The following SLC35D1 variants were observed in gnomAD, a reference collection of about 807,000 sequenced individuals.
SLC35D1 encodes the protein solute carrier family 35 member D1.
A neutral mutation model predicts 46.7 loss-of-function variants in SLC35D1; 31 were observed. That is an observed-to-expected ratio of 0.66 (90% CI 0.50 to 0.90). The LOEUF (loss-of-function observed/expected upper bound fraction) is 0.90. SLC35D1 is among the 40% of genes least tolerant of loss of function. SLC35D1 has a pLI of 0.00. For missense variants in SLC35D1, 397 were observed against 426.2 expected, an observed-to-expected ratio of 0.93 and a Z score of 0.60; for synonymous variants, 195 against 164.6, an observed-to-expected ratio of 1.18 and a Z score of -1.41.
At chr1:67,053,148 C>G (rs1645328996) in intron 1 of SLC35D1, among the ~76,000 whole-genome samples, 159 bp from the exon 2 acceptor site, 1 of 152,208 alleles carries the variant, frequency 6.6e-6, no homozygotes, top group Admixed American at 6.5e-5. Flanking sequence ...AACTCTCTGC[C>G]TGTTGGTTGT....
chr1:67,005,361 C>G (rs1286524695), intron 11 of SLC35D1, among the ~76,000 whole-genome samples: 1 of 152,162 alleles, frequency 6.6e-6, no homozygotes, highest in East Asian at 1.9e-4. Flanking sequence ...TGACATCAGC[C>G]CCAGACCAGC....
At chr1:67,027,606 T>C (rs1027776934) in intron 8 of SLC35D1, among the ~76,000 whole-genome samples, 1 of 152,166 alleles carries the variant, frequency 6.6e-6, no homozygotes, top group Non-Finnish European at 1.5e-5. Flanking sequence ...AGATCACTCA[T>C]TTTAGATCTT....
chr1:66,973,807 T>A, the SLC35D1 span, among the ~76,000 whole-genome samples: 5 of 152,196 alleles, frequency 3.3e-5, no homozygotes, highest in South Asian at 1.0e-3. Context: ...TTATTTTTAG[T>A]TAGTAGAAAT....
At chr1:66,977,537 C>T in the SLC35D1 span, among the ~76,000 whole-genome samples, 40 of 152,286 alleles carry the variant, frequency 2.6e-4, no homozygotes, top group African/African-American at 9.1e-4. Context: ...GTCCCATTGA[C>T]ACAGATATGG....
At chr1:66,973,907 C>CT in the SLC35D1 span, among the ~76,000 whole-genome samples, 4 of 151,986 alleles carry the variant, frequency 2.6e-5, no homozygotes, top group African/African-American at 9.7e-5. Context: ...AGTACCTGGG[C>CT]TTATGTCTGA....
intron 1 of SLC35D1, among the ~76,000 whole-genome samples, chr1:67,053,248 T>C (rs1355536858): frequency 1.3e-5 from 2 of 151,562 alleles, no homozygotes; most frequent in Non-Finnish European, 2.9e-5. Context: ...AAAGGATTTC[T>C]CAAGGCAGTG....
chr1:67,019,639 C>T (rs564032381), intron 10 of SLC35D1, among the ~76,000 whole-genome samples: 13 of 152,210 alleles, frequency 8.5e-5, no homozygotes, highest in Non-Finnish European at 1.5e-4. Context: ...GGGTAATGGC[C>T]CTCTTTTCCC....
chr1:66,997,579 A>AAAGATG (rs1667255169), downstream of SLC35D1, among the ~76,000 whole-genome samples: 3 of 141,346 alleles, frequency 2.1e-5, no homozygotes, highest in African/African-American at 7.8e-5. Flanking sequence ...GTATATATAT[A>AAAGATG]CACACACAGA....
intron 8 of SLC35D1, among the ~76,000 whole-genome samples, chr1:67,036,275 G>C (rs183155291): frequency 2.0e-5 from 3 of 152,174 alleles, no homozygotes; most frequent in Admixed American, 2.0e-4. Context: ...GCTGAAACTG[G>C]GGTGTTGTAG....
At chr1:67,035,962 C>A (rs1668115484) in intron 8 of SLC35D1, among the ~76,000 whole-genome samples, 1 of 152,028 alleles carries the variant, frequency 6.6e-6, no homozygotes, top group South Asian at 2.1e-4. Flanking sequence ...ATTTGTCATT[C>A]AGGAACATAT....
At chr1:67,025,656 T>C (rs568757491) in intron 8 of SLC35D1, among the ~76,000 whole-genome samples, 1 of 152,366 alleles carries the variant, frequency 6.6e-6, no homozygotes, top group African/African-American at 2.4e-5. Context: ...ATGAATTTGC[T>C]AAGAACTGAC....
At position 67,052,871 on chromosome 1, in the gene SLC35D1, A is replaced by G; in HGVS notation, c.238-14T>C. 1 of 1,614,116 alleles carries G rather than the reference A, an allele frequency of 6.2e-7. No homozygotes were observed. The highest frequency in any genetic ancestry group is 1.1e-5 in the South Asian group (1 of 91,074). On this transcript the variant is annotated splice_polypyrimidine_tract_variant and intron_variant, in intron 2 of 11. Transcript: ENST00000235345. Reference sequence around the variant, plus strand: ...TGTGGCCACCATCTGTAAACAAGAGAACACAGATTCACTGTTCTACACATA... The same window carrying G: ...TGTGGCCACCATCTGTAAACAAGAGGACACAGATTCACTGTTCTACACATA...
rs765636822 is a variant in SLC35D1 at position 67,053,817 on chromosome 1, T to C, written c.197A>G (p.Asn66Ser). The C allele has an allele frequency of 6.2e-7, 1 of 1,606,246 alleles. No homozygotes were observed. The highest frequency in any genetic ancestry group is 2.3e-5 in the East Asian group (1 of 44,166). The part of the protein sequence containing the change: ...IVVVNKSVLT[N>S]YRFPSSLCVG... ...GCCGCCGCCTCGGCCCTACCTGTAA[T>C]TGGTGAGCACGCTCTTATTCACCAC... The change falls in exon 1 of 12, where the codon AAT (asparagine) becomes AGT (serine). Residue 66 changes from asparagine to serine, a missense_variant. By Grantham distance (46) the Asn-to-Ser change is conservative. Coordinates refer to ENST00000235345, the MANE Select transcript of SLC35D1 (RefSeq NM_015139.3).
downstream of SLC35D1, among the ~76,000 whole-genome samples, chr1:66,996,552 C>T (rs972354608): frequency 6.6e-6 from 1 of 152,174 alleles, no homozygotes; most frequent in African/African-American, 2.4e-5. Context: ...AGATGCCAGG[C>T]CTCTAGTAGA....
rs201982159 is a variant in SLC35D1 at position 67,053,960 on chromosome 1, C to T, written c.54G>A (p.Ala18=). ...QHARVKGEAP[A]KSSTLRDEEE... ...CCTCATCTCGGAGTGTGGAGGATTT[C>T]GCGGGGGCTTCTCCTTTAACCCGAG... Residue 18 remains alanine, a synonymous_variant, in exon 1 of 12, where the codon GCG becomes GCA. Transcript: ENST00000235345. The T allele has an allele frequency of 1.9e-6, 3 of 1,613,600 alleles. No homozygotes were observed. Among genetic ancestry groups the T allele is most frequent in the East Asian group, 4.5e-5 (2 of 44,852 alleles).
At chr1:66,981,972 C>T in the SLC35D1 span, 1 of 1,583,902 alleles carries the variant, frequency 6.3e-7, no homozygotes, top group East Asian at 2.2e-5. Flanking sequence ...CACTTTCTTG[C>T]AGTGACTTGG....
chr1:67,034,203 G>T (rs1197483473), intron 8 of SLC35D1, among the ~76,000 whole-genome samples: 1 of 152,094 alleles, frequency 6.6e-6, no homozygotes, highest in Non-Finnish European at 1.5e-5. Context: ...TAAATTTTAG[G>T]ATATTTTTTT....
At chr1:66,994,665 A>G (rs976333836), downstream of SLC35D1, among the ~76,000 whole-genome samples, 1 of 152,022 alleles carries the variant, frequency 6.6e-6, no homozygotes, top group African/African-American at 2.4e-5. Flanking sequence ...AAAAAGAAAA[A>G]AAATCCAAAG....
intron 1 of SLC35D1, among the ~76,000 whole-genome samples, 190 bp downstream of exon 1, chr1:67,053,621 C>T (rs1645335722): frequency 6.6e-6 from 1 of 151,936 alleles, no homozygotes; most frequent in Non-Finnish European, 1.5e-5. Context: ...GAGCGGACCC[C>T]TGCCACAGGC....
Sources: gnomAD v4.1 joint callset for allele counts (sites outside exome capture counted in the v4.1 genomes callset) on GRCh38, gnomAD v4.1.1 for gene constraint, MANE v1.5 for transcripts, NCBI Gene and HGNC (gene_info 2026-07-23, HGNC 2026-07-21) for gene names.